HIVEP1: variants seen among roughly 807,000 people sequenced by gnomAD.
The protein encoded by HIVEP1 is HIVEP zinc finger 1.
Under a neutral mutation model 180.0 loss-of-function variants are expected in HIVEP1, and 36 were observed. That is an observed-to-expected ratio of 0.20 (90% confidence interval 0.15 to 0.26). The LOEUF (loss-of-function observed/expected upper bound fraction) is 0.26, where lower values mean the gene tolerates loss of function less well. HIVEP1 is among the 10% of genes least tolerant of loss of function. The pLI, the probability that HIVEP1 is intolerant of heterozygous loss-of-function variation, is 1.00. For synonymous variants in HIVEP1, 1,239 were observed against 1,239.0 expected, an observed-to-expected ratio of 1.00 and a Z score of 0.00; for missense variants, 3,143 against 3,268.7, an observed-to-expected ratio of 0.96 and a Z score of 0.94.
chr6:12,037,310 T>C (rs980955929), intron 2 of HIVEP1, among the ~76,000 whole-genome samples: 1 of 152,232 alleles, frequency 6.6e-6, no homozygotes, highest in Non-Finnish European at 1.5e-5. Context: ...GCACCTTTTT[T>C]GGTTGCCTGG....
Position 12,120,673 on chromosome 6 carries a change from A to G in HIVEP1, c.878A>G (p.Lys293Arg). 6.2e-7 allele frequency: 1 copy of G among 1,614,204 alleles called. No homozygotes were observed. Among genetic ancestry groups the G allele is most frequent in the Non-Finnish European group, 8.5e-7 (1 of 1,180,028 alleles). ...CATCAACATGAACACTTTGTTCCCA[A>G]ATCCAACCAACATAATCAACAGCTT... Reference protein sequence around the residue: ...LYHQHEHFVPKSNQHNQQLPG... With the variant: ...LYHQHEHFVPRSNQHNQQLPG... Residue 293 changes from lysine (K) to arginine (R), a missense_variant, in exon 4 of 9, where the codon AAA (lysine) becomes AGA (arginine). Transcript: ENST00000379388.
At chr6:12,165,153 T>G, downstream of HIVEP1, 1 of 514,480 alleles carries the variant, frequency 1.9e-6, no homozygotes, top group South Asian at 1.4e-5. Context: ...TGTGAAACTG[T>G]AACTGAAATC....
chr6:12,157,607 C>T (rs535481329), intron 7 of HIVEP1, among the ~76,000 whole-genome samples: 2 of 152,184 alleles, frequency 1.3e-5, no homozygotes, highest in Non-Finnish European at 2.9e-5. Context: ...TTTACATTTA[C>T]ATCTACTGTG....
At position 12,092,272 on chromosome 6, in the gene HIVEP1, A is replaced by G. The variant is rs1423649742; in HGVS notation, c.94+3035A>G. ...ATGTCATATAAGTATGTACCCCCAAACAATATATTTTCTAGTTGTGCCTGA... is the reference window on the plus strand; with the variant it reads ...ATGTCATATAAGTATGTACCCCCAAGCAATATATTTTCTAGTTGTGCCTGA... On this transcript the variant is annotated intron_variant, in intron 3 of 8. Coordinates refer to ENST00000379388, the MANE Select transcript of HIVEP1 (RefSeq NM_002114.4). 2.0e-5 allele frequency among the ~76,000 whole-genome samples: 3 copies of G among 152,126 alleles called. No homozygotes were observed. In the East Asian group the frequency reaches 5.8e-4, roughly 29 times the overall value.
rs535732572 is a variant in HIVEP1, at chr6:12,066,418, T to C, written c.41-22766T>C. 2.6e-5 allele frequency among the ~76,000 whole-genome samples: 4 copies of C among 152,356 alleles called. No individual in the cohort carries two copies. The East Asian group carries it at 7.7e-4, about 29-fold the overall frequency. Reference sequence around the variant, plus strand: ...TCACCATGATTTGTCTAACTTAGTCTCTTTGTTGCAGTTAGCTTCTTAGGC... The same window carrying C: ...TCACCATGATTTGTCTAACTTAGTCCCTTTGTTGCAGTTAGCTTCTTAGGC... On this transcript the variant is annotated intron_variant, in intron 2 of 8. Transcript: ENST00000379388.
intron 3 of HIVEP1, among the ~76,000 whole-genome samples, chr6:12,100,901 A>C (rs1480279272): frequency 1.3e-5 from 2 of 152,208 alleles, no homozygotes; most frequent in Non-Finnish European, 2.9e-5. Flanking sequence ...CAAATATTCC[A>C]AAAGCTGAAA....
At chr6:12,142,901 C>G (rs1490623849) in intron 7 of HIVEP1, among the ~76,000 whole-genome samples, 1 of 151,960 alleles carries the variant, frequency 6.6e-6, no homozygotes, top group Non-Finnish European at 1.5e-5. Flanking sequence ...AATAGGCTAC[C>G]AACCAAAAAA....
chr6:12,075,945 A>AT (rs1443003588), intron 2 of HIVEP1, among the ~76,000 whole-genome samples: 1 of 152,198 alleles, frequency 6.6e-6, no homozygotes, highest in Non-Finnish European at 1.5e-5. Context: ...CAGTAGTGTA[A>AT]TTTTTTAAAC....
intron 3 of HIVEP1, among the ~76,000 whole-genome samples, chr6:12,113,995 A>G (rs1270421284): frequency 6.6e-6 from 1 of 152,048 alleles, no homozygotes; most frequent in Non-Finnish European, 1.5e-5. Context: ...TCTGTCTTGT[A>G]TCTTTATTCT....
In HIVEP1 at chr6:12,107,873, G is replaced by A. The variant is rs148174710; in HGVS notation, c.95-12017G>A. Among the ~76,000 whole-genome samples the A allele has an allele frequency of 2.5e-4, 37 of 150,528 alleles. No individual in the cohort carries two copies. The East Asian group carries it at 6.2e-3, about 25-fold the overall frequency. ...GCTGAGGGGTGTGTTTTGACAGGGCGCTGATTGGTGCGTTTACAATCGCTG... is the reference window on the plus strand; with the variant it reads ...GCTGAGGGGTGTGTTTTGACAGGGCACTGATTGGTGCGTTTACAATCGCTG... On this transcript the variant is annotated intron_variant, in intron 3 of 8. Transcript: ENST00000379388.
At chr6:12,207,760 T>TAATAATAATAATAATAAC in the HIVEP1 span, among the ~76,000 whole-genome samples, 5 of 149,250 alleles carry the variant, frequency 3.4e-5, no homozygotes, top group South Asian at 1.1e-3. Flanking sequence ...ATAATAATAA[T>TAATAATAATAATAATAAC]AATAATTAGC....
chr6:12,187,826 T>C, the HIVEP1 span, among the ~76,000 whole-genome samples: 2 of 152,188 alleles, frequency 1.3e-5, no homozygotes, highest in Non-Finnish European at 2.9e-5. Flanking sequence ...CATCAAGTGA[T>C]CTGCCTGCCT....
At chr6:12,188,159 T>A in the HIVEP1 span, among the ~76,000 whole-genome samples, 2 of 151,884 alleles carry the variant, frequency 1.3e-5, no homozygotes, top group Admixed American at 1.3e-4. Context: ...AAGATATTAG[T>A]TAATCAAACC....
At chr6:12,162,000 C>A in intron 8 of HIVEP1, 71 bp downstream of exon 8, 1 of 1,368,450 alleles carries the variant, frequency 7.3e-7, no homozygotes, top group Non-Finnish European at 1.0e-6. Flanking sequence ...AACTTAATGG[C>A]TTAAGAAAAT....
chr6:12,142,160 AG>A (rs1310880217), intron 7 of HIVEP1, among the ~76,000 whole-genome samples: 2 of 152,224 alleles, frequency 1.3e-5, no homozygotes, highest in East Asian at 3.8e-4. Context: ...CAAATGTAAA[AG>A]AACAGAAATC....
At chr6:12,109,020 C>T (rs1015723982) in intron 3 of HIVEP1, among the ~76,000 whole-genome samples, 1 of 152,188 alleles carries the variant, frequency 6.6e-6, no homozygotes, top group Non-Finnish European at 1.5e-5. Context: ...CGCTCTGTCG[C>T]CCAGGCTGGA....
intron 2 of HIVEP1, among the ~76,000 whole-genome samples, chr6:12,068,644 T>C (rs1024837881): frequency 3.9e-5 from 6 of 152,292 alleles, no homozygotes; most frequent in Middle Eastern, 3.4e-3. Flanking sequence ...TGTGAAGATA[T>C]ATGTGTAAAT....
Position 12,122,881 on chromosome 6 carries a change from G to GA in HIVEP1, c.3091dup (p.Arg1031LysfsTer10). The stretch of plus-strand genomic sequence containing the variant: ...ATCTGGGAACAGACGCCCCAGATAA[G>GA]AAAAAGGAGGAAAATGAAAAGTGTT... On this transcript the variant is annotated frameshift_variant, in exon 4 of 9. Coordinates refer to ENST00000379388, the MANE Select transcript of HIVEP1 (RefSeq NM_002114.4). LOFTEE classifies it high-confidence loss of function. 6.2e-7 allele frequency: 1 copy of GA among 1,614,076 alleles called. No homozygotes were observed. Among genetic ancestry groups the GA allele is most frequent in the Non-Finnish European group, 8.5e-7 (1 of 1,179,980 alleles).
At chr6:12,033,385 G>A (rs1561871418) in intron 2 of HIVEP1, among the ~76,000 whole-genome samples, 1 of 152,008 alleles carries the variant, frequency 6.6e-6, no homozygotes, top group Non-Finnish European at 1.5e-5. Flanking sequence ...TACAATGAGA[G>A]ACAGTAGCAT....
Sources: gnomAD v4.1 joint callset for allele counts (sites outside exome capture counted in the v4.1 genomes callset) on GRCh38, gnomAD v4.1.1 for gene constraint, MANE v1.5 for transcripts, NCBI Gene and HGNC (gene_info 2026-07-23, HGNC 2026-07-21) for gene names.